SLC20A2: variants seen among roughly 807,000 people sequenced by gnomAD.
SLC20A2 encodes sodium-dependent phosphate transporter 2.
Under a neutral mutation model 61.0 loss-of-function variants are expected in SLC20A2, and 30 were observed. The observed-to-expected ratio is 0.49, with a 90% CI of 0.37 to 0.67. The LOEUF (loss-of-function observed/expected upper bound fraction) is 0.67, where lower values mean the gene tolerates loss of function less well. SLC20A2 is among the 30% of genes least tolerant of loss of function. The probability of loss-of-function intolerance (pLI) is 0.00; values close to 1 mark genes in which losing one functional copy is unlikely to be tolerated. For missense variants in SLC20A2, 626 were observed against 866.4 expected (o/e 0.72, Z 3.48); for synonymous variants, 351 against 353.3 (o/e 0.99, Z 0.07).
At chr8:42,530,966 C>T (rs573492354) in intron 1 of SLC20A2, among the ~76,000 whole-genome samples, 1 of 152,110 alleles carries the variant, frequency 6.6e-6, no homozygotes, top group Non-Finnish European at 1.5e-5. Context: ...GTGATCTGCC[C>T]GCCTCGGCCT....
At chr8:42,536,846 G>A (rs1812733661) in intron 1 of SLC20A2, among the ~76,000 whole-genome samples, 1 of 152,042 alleles carries the variant, frequency 6.6e-6, no homozygotes, top group Non-Finnish European at 1.5e-5. Flanking sequence ...GGCCAAGGTG[G>A]GTGGATCACC....
chr8:42,514,808 T>C (rs751847158), intron 1 of SLC20A2, among the ~76,000 whole-genome samples: 34 of 150,840 alleles, frequency 2.3e-4, no homozygotes, highest in Admixed American at 6.6e-5. Context: ...CATGCACGTA[T>C]GTCAAAAAAC....
intron 1 of SLC20A2, among the ~76,000 whole-genome samples, chr8:42,477,501 T>C (rs2131257502): frequency 7.3e-6 from 1 of 137,654 alleles, no homozygotes; most frequent in Admixed American, 8.0e-5. Context: ...GACCGAGTCT[T>C]GCTCTGTAGC....
chr8:42,447,656 G>T (rs368134383), intron 5 of SLC20A2, among the ~76,000 whole-genome samples: 1 of 152,124 alleles, frequency 6.6e-6, no homozygotes, highest in South Asian at 2.1e-4. Context: ...CAGCCTGGGC[G>T]ACAGAGCGAG....
chr8:42,438,063 C>CAAAAAAAAAAAAAAAAAAAA (rs1391262305), intron 7 of SLC20A2, among the ~76,000 whole-genome samples: 5 of 26,824 alleles, frequency 1.9e-4, no homozygotes, highest in African/African-American at 2.9e-4. Context: ...AAAAAAAAAC[C>CAAAAAAAAAAAAAAAAAAAA]AAAAAAAAAA....
chr8:42,427,138 C>T (rs1024066377), intron 10 of SLC20A2, among the ~76,000 whole-genome samples: 1 of 152,256 alleles, frequency 6.6e-6, no homozygotes, highest in Non-Finnish European at 1.5e-5. Flanking sequence ...GGGAGGAGGA[C>T]GCTGGCCATG....
In SLC20A2 at chr8:42,437,158, C is replaced by T. The variant is rs370095133; in HGVS notation, c.1354G>A (p.Val452Met). ...EAEIEAEEGG[V>M]EMKLASELAD... is the part of the protein sequence containing the mutation. ...AGCTCCGACGCCAGCTTCATCTCCA[C>T]GCCGCCCTCCTCCGCCTCGATCTCC... Residue 452 changes from valine to methionine, a missense_variant, in exon 8 of 11, where the codon GTG (valine) becomes ATG (methionine). This residue lies in a region of SLC20A2 where 361 missense variants were observed against 422.3 expected (regional missense o/e 0.85). Coordinates refer to ENST00000520262, the MANE Select transcript of SLC20A2 (RefSeq NM_001257180.2). The surrounding 1 kb of genome is among the most constrained non-coding windows in gnomAD (Gnocchi z 6.4). 2 of 1,613,756 alleles carry T rather than the reference C, an allele frequency of 1.2e-6. No individual in the cohort carries two copies. The highest frequency in any genetic ancestry group is 1.7e-6 in the Non-Finnish European group (2 of 1,180,048).
At chr8:42,490,499 A>G (rs1175944525) in intron 1 of SLC20A2, among the ~76,000 whole-genome samples, 1 of 152,208 alleles carries the variant, frequency 6.6e-6, no homozygotes. Flanking sequence ...CAGGAGGCTG[A>G]GGCGGGAGAA....
At chr8:42,488,687 T>G (rs1011950580) in intron 1 of SLC20A2, among the ~76,000 whole-genome samples, 3 of 152,156 alleles carry the variant, frequency 2.0e-5, no homozygotes, top group Non-Finnish European at 4.4e-5. Flanking sequence ...CAATTTCTCA[T>G]TACCCTCATC....
chr8:42,436,964 T>A (rs774226910), intron 8 of SLC20A2, 25 bp downstream of exon 8: 1 of 1,562,392 alleles, frequency 6.4e-7, no homozygotes, highest in South Asian at 1.2e-5. Flanking sequence ...GGACCCTTGT[T>A]GAATGAATGA....
intron 1 of SLC20A2, chr8:42,484,637 G>T (rs1045110350): frequency 3.1e-5 from 9 of 290,652 alleles, no homozygotes; most frequent in Admixed American, 7.3e-5. Context: ...GGCCATGGGT[G>T]CAGAATGGGG....
chr8:42,467,940 G>T (rs921163553), intron 2 of SLC20A2, among the ~76,000 whole-genome samples: 1 of 150,716 alleles, frequency 6.6e-6, no homozygotes, highest in Non-Finnish European at 1.5e-5. Context: ...TTTTTTAGAC[G>T]GGGTCTTGCT....
chr8:42,427,319 A>G (rs1233605114), intron 10 of SLC20A2, among the ~76,000 whole-genome samples: 1 of 152,246 alleles, frequency 6.6e-6, no homozygotes, highest in Non-Finnish European at 1.5e-5. Flanking sequence ...GGGCACCACA[A>G]TGGTGCTGAT....
At chr8:42,473,317 C>T (rs1586143308) in intron 1 of SLC20A2, among the ~76,000 whole-genome samples, 1 of 152,032 alleles carries the variant, frequency 6.6e-6, no homozygotes, top group Admixed American at 6.6e-5. Flanking sequence ...CTAGAGGCCC[C>T]GCCAGGGTCA....
At chr8:42,426,710 A>C (rs1803439388) in intron 10 of SLC20A2, among the ~76,000 whole-genome samples, 2 of 152,054 alleles carry the variant, frequency 1.3e-5, no homozygotes, top group African/African-American at 4.8e-5. Flanking sequence ...AAACAAAACA[A>C]AACAAAACAA....
intron 5 of SLC20A2, among the ~76,000 whole-genome samples, chr8:42,453,333 A>G (rs1184897848): frequency 6.6e-6 from 1 of 152,248 alleles, no homozygotes; most frequent in Non-Finnish European, 1.5e-5. Context: ...TTTAAGAACA[A>G]AAATGCAAAG....
intron 1 of SLC20A2, among the ~76,000 whole-genome samples, chr8:42,508,235 T>C (rs1043784923): frequency 6.6e-6 from 1 of 152,156 alleles, no homozygotes; most frequent in African/African-American, 2.4e-5. Context: ...TCCCAGCACT[T>C]TGGGAGGCTG....
intron 8 of SLC20A2, among the ~76,000 whole-genome samples, chr8:42,436,264 AC>A (rs1255823511): frequency 6.6e-6 from 1 of 151,830 alleles, no homozygotes; most frequent in Non-Finnish European, 1.5e-5. Flanking sequence ...CCTGCTCTGC[AC>A]CCAGCCCGGC....
chr8:42,515,575 G>T (rs1299713582), intron 1 of SLC20A2, among the ~76,000 whole-genome samples: 2 of 152,040 alleles, frequency 1.3e-5, no homozygotes, highest in Non-Finnish European at 2.9e-5. Context: ...ACAGACCTAG[G>T]AAACCAGGGT....
Sources: gnomAD v4.1 joint callset for allele counts (sites outside exome capture counted in the v4.1 genomes callset) on GRCh38, gnomAD v4.1.1 for gene constraint, gnomAD v4.1.1 regional missense constraint, Gnocchi (gnomAD v3.1) non-coding constraint, MANE v1.5 for transcripts, NCBI Gene and HGNC (gene_info 2026-07-23, HGNC 2026-07-21) for gene names.